SMOC1: variants seen among roughly 807,000 people sequenced by gnomAD.
SMOC1 encodes the protein SPARC related modular calcium binding 1.
A neutral mutation model predicts 56.3 loss-of-function variants in SMOC1; 22 were observed. That is an observed-to-expected ratio of 0.39 (90% CI 0.28 to 0.56). SMOC1 has a LOEUF of 0.56. SMOC1 is among the 20% of genes least tolerant of loss of function. SMOC1 has a pLI of 0.61. For synonymous variants in SMOC1, 193 were observed against 215.0 expected (o/e 0.90, Z 0.89); for missense variants, 509 against 565.4 (o/e 0.90, Z 1.01).
chr14:69,901,420 G>A (rs1200750547), intron 1 of SMOC1, among the ~76,000 whole-genome samples: 1 of 152,212 alleles, frequency 6.6e-6, no homozygotes, highest in Non-Finnish European at 1.5e-5. Context: ...ACTATCTGAG[G>A]TGGTCTGGGA....
At chr14:70,029,258 T>C (rs571510596) in intron 11 of SMOC1, among the ~76,000 whole-genome samples, 1 of 152,294 alleles carries the variant, frequency 6.6e-6, no homozygotes, top group East Asian at 1.9e-4. Context: ...GATGTGGGTG[T>C]CAGCAGAATG....
intron 3 of SMOC1, among the ~76,000 whole-genome samples, chr14:69,968,660 A>T (rs1274547752): frequency 6.6e-6 from 1 of 152,224 alleles, no homozygotes; most frequent in Non-Finnish European, 1.5e-5. Flanking sequence ...ATTTGGAGTA[A>T]TGGGCAGGTT....
intron 7 of SMOC1, among the ~76,000 whole-genome samples, chr14:69,997,192 T>A (rs993706878): frequency 6.6e-6 from 1 of 152,338 alleles, no homozygotes; most frequent in South Asian, 2.1e-4. Flanking sequence ...GGCAGGAGGA[T>A]GCTCCCTGAC....
At chr14:69,986,748 T>A (rs572251737) in intron 5 of SMOC1, among the ~76,000 whole-genome samples, 1 of 152,344 alleles carries the variant, frequency 6.6e-6, no homozygotes, top group African/African-American at 2.4e-5. Context: ...CTGTTTTTGC[T>A]CTTCTTCAGC....
At chr14:70,002,744 C>A (rs1357636388) in intron 7 of SMOC1, among the ~76,000 whole-genome samples, 1 of 152,178 alleles carries the variant, frequency 6.6e-6, no homozygotes, top group African/African-American at 2.4e-5. Context: ...AGTGCAAAGT[C>A]CACAAGTAAG....
intron 1 of SMOC1, among the ~76,000 whole-genome samples, chr14:69,938,459 G>A (rs1264201648): frequency 6.6e-6 from 1 of 151,398 alleles, no homozygotes; most frequent in Non-Finnish European, 1.5e-5. Context: ...GCGTCGTGAG[G>A]GCTAACGGCA....
chr14:69,978,778 C>T (rs530253166), intron 5 of SMOC1, among the ~76,000 whole-genome samples: 24 of 152,084 alleles, frequency 1.6e-4, no homozygotes, highest in African/African-American at 5.1e-4. Flanking sequence ...AATGAAAGGC[C>T]CTGCATTTTT....
rs374363899 is a variant in SMOC1, at chr14:69,979,751, T to G, written c.526+1786T>G. Reference sequence around the variant, plus strand: ...GGTAGCTGGGACTACAGGCATGCACTGCTTTTAGTTTTGCCTGTTGCAATG... The same window carrying G: ...GGTAGCTGGGACTACAGGCATGCACGGCTTTTAGTTTTGCCTGTTGCAATG... On this transcript the variant is annotated intron_variant, in intron 5 of 11. Transcript: ENST00000361956. 2.6e-5 allele frequency among the ~76,000 whole-genome samples: 4 copies of G among 152,312 alleles called. No individual in the cohort carries two copies. In the East Asian group the frequency reaches 7.7e-4, roughly 29 times the overall value.
chr14:69,934,527 C>G (rs1232033875), intron 1 of SMOC1, among the ~76,000 whole-genome samples: 1 of 152,170 alleles, frequency 6.6e-6, no homozygotes, highest in Non-Finnish European at 1.5e-5. Context: ...GGGACTGAAC[C>G]ACAGGGGAGA....
chr14:69,952,037 G>A, intron 1 of SMOC1, 101 bp from the exon 2 acceptor site: 1 of 1,360,052 alleles, frequency 7.4e-7, no homozygotes, highest in Non-Finnish European at 1.0e-6. Flanking sequence ...GTTTATTAGG[G>A]ACTTACTTTC....
intron 1 of SMOC1, chr14:69,886,017 C>T (rs1594785839): frequency 6.3e-7 from 1 of 1,584,926 alleles, no homozygotes; most frequent in East Asian, 2.2e-5. Context: ...ATGTCCTGTC[C>T]AATGCCAAAA....
intron 5 of SMOC1, among the ~76,000 whole-genome samples, chr14:69,981,235 G>A (rs773881289): frequency 4.3e-4 from 65 of 152,052 alleles, no homozygotes; most frequent in Non-Finnish European, 3.8e-4. Context: ...GGGAAGGAGG[G>A]GGAGACACTG....
chr14:69,976,330 G>T (rs2139504662), intron 4 of SMOC1, among the ~76,000 whole-genome samples: 1 of 152,292 alleles, frequency 6.6e-6, no homozygotes, highest in Middle Eastern at 3.4e-3. Flanking sequence ...CCTTAAATCT[G>T]ACTGATCAAC....
At chr14:69,905,562 G>C (rs916770887) in intron 1 of SMOC1, among the ~76,000 whole-genome samples, 3 of 152,100 alleles carry the variant, frequency 2.0e-5, no homozygotes, top group South Asian at 2.1e-4. Context: ...TAGTTTGGAG[G>C]GGGTGCAAGA....
At chr14:69,982,536 G>C (rs2139518446) in intron 5 of SMOC1, among the ~76,000 whole-genome samples, 1 of 152,324 alleles carries the variant, frequency 6.6e-6, no homozygotes, top group South Asian at 2.1e-4. Context: ...CAGACGAAGG[G>C]GACTGGGTGG....
chr14:69,952,460 T>C (rs1883038742), intron 2 of SMOC1, among the ~76,000 whole-genome samples, 157 bp downstream of exon 2: 1 of 152,250 alleles, frequency 6.6e-6, no homozygotes, highest in South Asian at 2.1e-4. Context: ...GAAGAAAGCC[T>C]GGTCTACCTG....
chr14:70,028,796 G>T (rs1156476603), intron 11 of SMOC1, among the ~76,000 whole-genome samples: 2 of 152,198 alleles, frequency 1.3e-5, no homozygotes, highest in African/African-American at 4.8e-5. Flanking sequence ...TAGAGTTCAT[G>T]TCCTCCTCTG....
At position 70,030,838 on chromosome 14, in the gene SMOC1, G is replaced by A. The variant is rs547940516; in HGVS notation, c.*580G>A. 4 of 152,652 alleles carry A rather than the reference G, an allele frequency of 2.6e-5. No individual in the cohort carries two copies. The highest frequency in any genetic ancestry group is 9.6e-5 in the African/African-American group (4 of 41,536). 9.5% of individuals were successfully genotyped at this position (152,652 alleles called of 1,614,324 possible). On this transcript the variant is annotated 3_prime_UTR_variant, in exon 12 of 12. Transcript: ENST00000361956. ...TCCACGAGTTCTTTTCTGGTGGGAGGACTATATTGCCCCATGCCATTAGTT... is the reference window on the plus strand; with the variant it reads ...TCCACGAGTTCTTTTCTGGTGGGAGAACTATATTGCCCCATGCCATTAGTT...
chr14:70,016,952 G>T (rs114486775), intron 10 of SMOC1, among the ~76,000 whole-genome samples: 6 of 152,108 alleles, frequency 3.9e-5, no homozygotes, highest in African/African-American at 1.4e-4. Context: ...TATTTTGCTG[G>T]CTTGTTGATA....
Sources: gnomAD v4.1 joint callset for allele counts (sites outside exome capture counted in the v4.1 genomes callset) on GRCh38, gnomAD v4.1.1 for gene constraint, MANE v1.5 for transcripts, NCBI Gene and HGNC (gene_info 2026-07-23, HGNC 2026-07-21) for gene names.